Variants in FAM20A observed in about 807,000 individuals in gnomAD.
The protein encoded by FAM20A is pseudokinase FAM20A.
FAM20A carries 42 observed loss-of-function variants against 52.0 expected under a neutral mutation model. The ratio of observed to expected loss-of-function variants is 0.81; its 90% confidence interval spans 0.63 to 1.04. The LOEUF (loss-of-function observed/expected upper bound fraction) is 1.04. Ranked by LOEUF, FAM20A falls within the 50% of genes least tolerant of loss-of-function variation. The pLI is 0.00. For missense variants in FAM20A, 742 were observed against 712.7 expected (o/e 1.04, Z -0.47); for synonymous variants, 304 against 298.9 (o/e 1.02, Z -0.18).
chr17:68,586,239 T>TA (rs1308650843), intron 1 of FAM20A, among the ~76,000 whole-genome samples: 1 of 152,182 alleles, frequency 6.6e-6, no homozygotes, highest in Non-Finnish European at 1.5e-5. Flanking sequence ...AACTCTTGGA[T>TA]AAAGATATAG....
chr17:68,585,416 T>C (rs1392669591), intron 1 of FAM20A, among the ~76,000 whole-genome samples: 2 of 151,678 alleles, frequency 1.3e-5, no homozygotes, highest in Non-Finnish European at 2.9e-5. Context: ...AAACACATTC[T>C]TTTTTGTTTT....
chr17:68,535,391 T>G lies in FAM20A; in HGVS notation c.*2086A>C. On this transcript the variant is annotated 3_prime_UTR_variant, in exon 11 of 11. Transcript: ENST00000592554. ...CCATTGGAAAACCAGTCCTTCGTTA[T>G]AGGAGGTGGCGGGTTTTGAGGTAGA... The G allele has an allele frequency of 2.2e-6, 1 of 454,110 alleles. No homozygotes were observed. Among genetic ancestry groups the G allele is most frequent in the Admixed American group, 2.3e-5 (1 of 42,568 alleles). The allele number at this position is 454,110 out of a possible 1,614,324, so 28.1% of individuals were successfully genotyped here. A position where few individuals can be genotyped will look rare whatever the true frequency, so the allele number is the denominator to read the frequency against.
chr17:68,539,098 T>C (rs1338065208), intron 10 of FAM20A, among the ~76,000 whole-genome samples: 1 of 152,222 alleles, frequency 6.6e-6, no homozygotes, highest in African/African-American at 2.4e-5. Flanking sequence ...AGTAAAACTG[T>C]AAAATGCAGT....
At chr17:68,551,261 T>G in intron 4 of FAM20A, 2 of 627,490 alleles carry the variant, frequency 3.2e-6, no homozygotes, top group Non-Finnish European at 4.6e-6. Flanking sequence ...TTCACAAAAT[T>G]TTCAAGGCAT....
Position 68,542,153 on chromosome 17 carries a change from C to A in FAM20A, c.941G>T (p.Cys314Phe). The A allele has an allele frequency of 6.2e-7, 1 of 1,613,956 alleles. No individual in the cohort carries two copies. The highest frequency in any genetic ancestry group is 1.1e-5 in the South Asian group (1 of 91,088). The change falls in exon 7 of 11, where the codon TGC (cysteine) becomes TTC (phenylalanine). Residue 314 changes from cysteine to phenylalanine, a missense_variant. Transcript: ENST00000592554. ...VFFVSPASNV[C>F]FFAKCPYMCK... ...CATGTATGGACACTTGGCGAAGAAG[C>A]ACACGTTGCTCGCTGGAGGATGGGG...
intron 1 of FAM20A, among the ~76,000 whole-genome samples, chr17:68,587,520 G>A (rs2088194758): frequency 6.6e-6 from 1 of 152,180 alleles, no homozygotes; most frequent in Non-Finnish European, 1.5e-5. Flanking sequence ...AGCTCTCCAA[G>A]AGGTTCAGCC....
At chr17:68,580,018 A>G (rs900929679) in intron 1 of FAM20A, among the ~76,000 whole-genome samples, 19 of 147,742 alleles carry the variant, frequency 1.3e-4, no homozygotes, top group African/African-American at 4.7e-4. Flanking sequence ...TTGCATTTGC[A>G]TAAATCTCAT....
At chr17:68,594,927 C>G (rs1213106504) in intron 1 of FAM20A, among the ~76,000 whole-genome samples, 1 of 152,246 alleles carries the variant, frequency 6.6e-6, no homozygotes, top group Non-Finnish European at 1.5e-5. Context: ...TTAATTACAT[C>G]TGTAAAATCC....
At position 68,566,610 on chromosome 17, in the gene FAM20A, C is replaced by T. The variant is rs139252205; in HGVS notation, c.405-10867G>A. Among the ~76,000 whole-genome samples the T allele has an allele frequency of 6.7e-4, 102 of 152,312 alleles. 1 individual carries two copies. The highest frequency in any genetic ancestry group is 2.1e-3 in the African/African-American group (86 of 41,568). The stretch of plus-strand genomic sequence containing the variant: ...GAGGGAAAACAGCAAAAGCGTTAGT[C>T]AGGATTAGACACTTCTCTATGAGTT... On this transcript the variant is annotated intron_variant, in intron 1 of 10. Coordinates refer to ENST00000592554, the MANE Select transcript of FAM20A (RefSeq NM_017565.4).
chr17:68,581,655 AGCCTCC>A (rs1255962190), intron 1 of FAM20A, among the ~76,000 whole-genome samples: 1 of 141,962 alleles, frequency 7.0e-6, no homozygotes, highest in African/African-American at 2.6e-5. Flanking sequence ...TGCTCACTGC[AGCCTCC>A]GCCTCCCGGG....
chr17:68,597,152 T>C (rs1441088912), intron 1 of FAM20A, among the ~76,000 whole-genome samples: 1 of 151,628 alleles, frequency 6.6e-6, no homozygotes, highest in Non-Finnish European at 1.5e-5. Context: ...TTATTGGTAA[T>C]GAGCTTGAAT....
At chr17:68,538,530 AAC>A (rs2086161738) in intron 10 of FAM20A, among the ~76,000 whole-genome samples, 3 of 152,370 alleles carry the variant, frequency 2.0e-5, no homozygotes, top group Admixed American at 6.5e-5. Context: ...GCCTGGCTGA[AAC>A]ACTGGAGAAG....
intron 9 of FAM20A, 145 bp from the exon 10 acceptor site, chr17:68,539,541 C>T (rs2086198343): frequency 2.6e-6 from 2 of 757,076 alleles, no homozygotes; most frequent in South Asian, 1.5e-5. Context: ...AGCCCCTCTC[C>T]CCAGTCAGAT....
chr17:68,586,075 T>C (rs1361497205), intron 1 of FAM20A, among the ~76,000 whole-genome samples: 1 of 152,204 alleles, frequency 6.6e-6, no homozygotes, highest in Non-Finnish European at 1.5e-5. Context: ...GGGCTGACTC[T>C]GTGGTGGGAA....
intron 1 of FAM20A, among the ~76,000 whole-genome samples, chr17:68,599,570 A>G (rs1042723947): frequency 2.6e-5 from 4 of 152,198 alleles, no homozygotes; most frequent in Admixed American, 2.0e-4. Context: ...AGTCAGTCCA[A>G]ATCACCAGGA....
chr17:68,547,819 C>T (rs898609935), intron 4 of FAM20A, among the ~76,000 whole-genome samples: 1 of 152,206 alleles, frequency 6.6e-6, no homozygotes, highest in Admixed American at 6.5e-5. Flanking sequence ...CTTTTAGCTT[C>T]CTTCAAGAAC....
At chr17:68,553,478 G>A (rs188043140) in intron 3 of FAM20A, among the ~76,000 whole-genome samples, 1 of 152,274 alleles carries the variant, frequency 6.6e-6, no homozygotes, top group African/African-American at 2.4e-5. Flanking sequence ...AAGGGATGGG[G>A]CCACTCATGG....
intron 1 of FAM20A, among the ~76,000 whole-genome samples, chr17:68,584,304 G>A (rs1275932566): frequency 1.3e-5 from 2 of 150,668 alleles, no homozygotes; most frequent in African/African-American, 2.5e-5. Context: ...GTGGCAGAGT[G>A]AGACTCCATC....
intron 1 of FAM20A, among the ~76,000 whole-genome samples, chr17:68,572,001 TATATATATATATA>T (rs1348769498): frequency 6.4e-4 from 57 of 88,614 alleles, no homozygotes; most frequent in African/African-American, 1.7e-3. Context: ...TATATATATA[TATATATATATATA>T]TATATATATA....
Sources: allele counts gnomAD v4.1 joint callset (sites outside exome capture counted in the v4.1 genomes callset), GRCh38; gene constraint gnomAD v4.1.1; transcripts MANE v1.5; gene names NCBI Gene and HGNC (gene_info 2026-07-23, HGNC 2026-07-21).